SCLT1: variants seen among roughly 807,000 people sequenced by gnomAD.
SCLT1 encodes sodium channel-associated protein 1.
In SCLT1, 78 loss-of-function variants were observed where a neutral mutation model predicts 112.8. The observed-to-expected ratio is 0.69, with a 90% CI of 0.58 to 0.83. The LOEUF is 0.83. Ranked by LOEUF, SCLT1 falls within the 40% of genes least tolerant of loss-of-function variation. The pLI is 0.00. For missense variants in SCLT1, 747 were observed against 770.4 expected (o/e 0.97, Z 0.36); for synonymous variants, 257 against 254.7 (o/e 1.01, Z -0.09).
chr4:128,891,522 ATCT>A (rs1733320593), intron 18 of SCLT1, among the ~76,000 whole-genome samples: 1 of 152,200 alleles, frequency 6.6e-6, no homozygotes, highest in Admixed American at 6.5e-5. Context: ...GTACAAAAGT[ATCT>A]TCAACATTAT....
At chr4:128,898,865 A>G (rs1579316078) in intron 18 of SCLT1, among the ~76,000 whole-genome samples, 1 of 152,344 alleles carries the variant, frequency 6.6e-6, no homozygotes, top group Middle Eastern at 3.4e-3. Context: ...TCACAGAAAT[A>G]CAAACTACCA....
intron 18 of SCLT1, among the ~76,000 whole-genome samples, chr4:128,919,748 AT>A (rs982729215): frequency 6.6e-6 from 1 of 151,950 alleles, no homozygotes; most frequent in African/African-American, 2.4e-5. Flanking sequence ...CAAAAAAAAA[AT>A]AACCTCAGAG....
intron 1 of SCLT1, among the ~76,000 whole-genome samples, chr4:129,092,047 A>T (rs1752877008): frequency 1.3e-5 from 2 of 152,222 alleles, no homozygotes; most frequent in South Asian, 4.1e-4. Flanking sequence ...TTCTTACCTG[A>T]ATGATGACAG....
chr4:129,013,174 T>C (rs1744690033), intron 5 of SCLT1, among the ~76,000 whole-genome samples: 1 of 152,130 alleles, frequency 6.6e-6, no homozygotes, highest in African/African-American at 2.4e-5. Flanking sequence ...CCAGTGTCTG[T>C]TGTTTCCCTC....
In SCLT1 at chr4:128,992,247, G is replaced by T; in HGVS notation, c.616-10C>A. The stretch of plus-strand genomic sequence containing the variant: ...GAAACTGTTGGTTAGTCTGCCACAA[G>T]AAAAAAAAAGAATCAGTATTAGAAT... On this transcript the variant is annotated splice_polypyrimidine_tract_variant and intron_variant, in intron 8 of 20. Transcript: ENST00000281142. 1 of 1,492,588 alleles carries T rather than the reference G, an allele frequency of 6.7e-7. No individual in the cohort carries two copies. Among genetic ancestry groups the T allele is most frequent in the Non-Finnish European group, 9.1e-7 (1 of 1,095,998 alleles). 92.5% of individuals were successfully genotyped at this position (1,492,588 alleles called of 1,614,324 possible).
intron 18 of SCLT1, among the ~76,000 whole-genome samples, chr4:128,894,975 G>A (rs778331582): frequency 9.9e-5 from 15 of 152,148 alleles, no homozygotes; most frequent in Admixed American, 3.3e-4. Context: ...ACCGTGCCCA[G>A]CTTCTCACTG....
chr4:128,879,975 C>T (rs1490155869), downstream of SCLT1, among the ~76,000 whole-genome samples: 1 of 152,110 alleles, frequency 6.6e-6, no homozygotes, highest in East Asian at 1.9e-4. Flanking sequence ...AATGCCTTAT[C>T]AAAGGAATTA....
chr4:128,910,988 G>A (rs1735050550), intron 18 of SCLT1, among the ~76,000 whole-genome samples: 1 of 152,176 alleles, frequency 6.6e-6, no homozygotes, highest in Non-Finnish European at 1.5e-5. Flanking sequence ...AACAGGCCAG[G>A]TGCGGTGGCT....
chr4:128,993,842 T>C (rs1445870358), intron 8 of SCLT1, among the ~76,000 whole-genome samples: 2 of 152,060 alleles, frequency 1.3e-5, no homozygotes, highest in Non-Finnish European at 2.9e-5. Context: ...GAGTAAATTA[T>C]AGAGATGAGC....
chr4:128,976,693 T>C lies in SCLT1; in HGVS notation c.687-6225A>G, dbSNP rs72922062. ...AAAAAATTAAAATAAAACATTATGA[T>C]TCTGAGTATGCAGCACATTTACATT... On this transcript the variant is annotated intron_variant, in intron 9 of 20. Transcript: ENST00000281142. 6.4e-3 allele frequency among the ~76,000 whole-genome samples: 975 copies of C among 152,304 alleles called. 7 individuals carry two copies. Among genetic ancestry groups the C allele is most frequent in the African/African-American group, 0.016 (676 of 41,586 alleles).
intron 2 of SCLT1, among the ~76,000 whole-genome samples, chr4:129,065,993 G>T (rs906259921): frequency 6.6e-6 from 1 of 151,858 alleles, no homozygotes; most frequent in Non-Finnish European, 1.5e-5. Context: ...AATAATAAAT[G>T]CTGGAAGCAA....
intron 18 of SCLT1, among the ~76,000 whole-genome samples, chr4:128,931,370 A>C (rs1736747165): frequency 6.6e-6 from 1 of 152,224 alleles, no homozygotes; most frequent in Non-Finnish European, 1.5e-5. Flanking sequence ...AGATTTCAGC[A>C]TTCGACTATC....
At chr4:128,873,281 G>GAAAAAAAAAAAAAAAAAAAAAAAA (rs1281020527) in intron 5 of SCLT1, 4 of 105,630 alleles carry the variant, frequency 3.8e-5, no homozygotes, top group Non-Finnish European at 4.1e-5. Context: ...AAGAAAAAAA[G>GAAAAAAAAAAAAAAAAAAAAAAAA]AAAAAAAAAA....
chr4:129,051,720 T>C (rs1314066842), intron 2 of SCLT1, among the ~76,000 whole-genome samples: 1 of 152,192 alleles, frequency 6.6e-6, no homozygotes, highest in Admixed American at 6.6e-5. Context: ...CCTTTCTTTC[T>C]TTCTCTTGCC....
intron 2 of SCLT1, among the ~76,000 whole-genome samples, chr4:129,056,955 G>A (rs542739017): frequency 2.0e-5 from 3 of 152,198 alleles, no homozygotes; most frequent in Non-Finnish European, 4.4e-5. Context: ...TCAGAATAAT[G>A]CTGGCTGTGG....
chr4:129,005,105 G>C (rs74961027), intron 5 of SCLT1, among the ~76,000 whole-genome samples: 1,998 of 152,002 alleles, frequency 0.013, 62 homozygotes, highest in African/African-American at 0.046. Flanking sequence ...ATTAAAAATA[G>C]ACCAATGACA....
intron 6 of SCLT1, among the ~76,000 whole-genome samples, chr4:129,002,011 A>C (rs1743534367): frequency 6.6e-6 from 1 of 152,076 alleles, no homozygotes; most frequent in Non-Finnish European, 1.5e-5. Flanking sequence ...ATACATTAAA[A>C]AAAATTAGTG....
intron 9 of SCLT1, among the ~76,000 whole-genome samples, chr4:128,975,040 C>CTTTTTTGTTTTTTTTTTTTTTTTTTT (rs1741028331): frequency 1.1e-5 from 1 of 87,056 alleles, no homozygotes; most frequent in Non-Finnish European, 2.1e-5. Context: ...TGAATGACAA[C>CTTTTTTGTTTTTTTTTTTTTTTTTTT]TTTTTTTTTT....
intron 2 of SCLT1, among the ~76,000 whole-genome samples, chr4:129,061,383 T>A (rs1287748332): frequency 6.6e-6 from 1 of 152,096 alleles, no homozygotes; most frequent in Non-Finnish European, 1.5e-5. Context: ...GGGTATGAGA[T>A]GTCTGGCCTG....
Sources: allele counts gnomAD v4.1 joint callset (sites outside exome capture counted in the v4.1 genomes callset), GRCh38; gene constraint gnomAD v4.1.1; transcripts MANE v1.5; gene names NCBI Gene and HGNC (gene_info 2026-07-23, HGNC 2026-07-21).